Variants in CACNA2D3 observed in about 807,000 individuals in gnomAD.
CACNA2D3 encodes the protein voltage-dependent calcium channel subunit alpha-2/delta-3.
CACNA2D3 carries 60 observed loss-of-function variants against 160.6 expected under a neutral mutation model. The ratio of observed to expected loss-of-function variants is 0.37; its 90% CI spans 0.30 to 0.46. The LOEUF is 0.46. Among genes scored for constraint, CACNA2D3 ranks in the 20% least tolerant of loss-of-function variants. CACNA2D3 has a pLI of 1.00. For synonymous variants in CACNA2D3, 558 were observed against 492.9 expected (o/e 1.13, Z -1.75); for missense variants, 1,205 against 1,365.0 (o/e 0.88, Z 1.85).
At chr3:54,715,962 C>G (rs2106973509) in intron 11 of CACNA2D3, among the ~76,000 whole-genome samples, 1 of 152,216 alleles carries the variant, frequency 6.6e-6, no homozygotes, top group Middle Eastern at 3.4e-3. Flanking sequence ...TTAATAAGTT[C>G]TGGGTATCTA....
chr3:54,537,819 G>A (rs866258696), intron 5 of CACNA2D3, among the ~76,000 whole-genome samples: 5 of 152,230 alleles, frequency 3.3e-5, no homozygotes, highest in African/African-American at 4.8e-5. Context: ...GGCTCACTCC[G>A]GACCTGAGCT....
At chr3:54,879,731 G>A (rs1046447065) in intron 20 of CACNA2D3, among the ~76,000 whole-genome samples, 3 of 152,186 alleles carry the variant, frequency 2.0e-5, no homozygotes, top group Non-Finnish European at 4.4e-5. Flanking sequence ...TGAACTTGCT[G>A]CTTTGTGAGT....
chr3:54,789,039 GAATGCTC>G (rs1702694014), intron 13 of CACNA2D3, among the ~76,000 whole-genome samples: 1 of 152,120 alleles, frequency 6.6e-6, no homozygotes, highest in Admixed American at 6.6e-5. Context: ...TGCATTTATT[GAATGCTC>G]ACAGTTGGCC....
chr3:54,198,721 C>A (rs1466460650), intron 2 of CACNA2D3, among the ~76,000 whole-genome samples: 2 of 152,266 alleles, frequency 1.3e-5, no homozygotes, highest in Admixed American at 1.3e-4. Context: ...GTCCCTCAGG[C>A]CCCGGGGGGT....
At chr3:54,484,666 G>T (rs1443871824) in intron 4 of CACNA2D3, among the ~76,000 whole-genome samples, 1 of 151,948 alleles carries the variant, frequency 6.6e-6, no homozygotes, top group Non-Finnish European at 1.5e-5. Flanking sequence ...CATATTCTGT[G>T]TCTATCTTTT....
At chr3:54,640,456 A>G (rs1699491706) in intron 10 of CACNA2D3, among the ~76,000 whole-genome samples, 1 of 152,200 alleles carries the variant, frequency 6.6e-6, no homozygotes, top group South Asian at 2.1e-4. Context: ...GCATTAATTA[A>G]GGGAATTTTT....
chr3:54,884,141 G>A (rs1030405112), intron 21 of CACNA2D3, among the ~76,000 whole-genome samples: 1 of 151,932 alleles, frequency 6.6e-6, no homozygotes, highest in Non-Finnish European at 1.5e-5. Flanking sequence ...AAGAAGGAAA[G>A]GAAAAAAAGA....
intron 5 of CACNA2D3, among the ~76,000 whole-genome samples, chr3:54,533,816 TG>T (rs1223347301): frequency 6.6e-6 from 1 of 151,914 alleles, no homozygotes. Flanking sequence ...TGTGTGTGTG[TG>T]TGTGTGTGTG....
intron 31 of CACNA2D3, among the ~76,000 whole-genome samples, chr3:54,993,756 C>T (rs922633323): frequency 6.6e-6 from 1 of 152,056 alleles, no homozygotes; most frequent in African/African-American, 2.4e-5. Context: ...CAATGGAGCA[C>T]ACCTGGCCCT....
chr3:54,745,021 G>C (rs1701727092), intron 11 of CACNA2D3, among the ~76,000 whole-genome samples: 1 of 152,190 alleles, frequency 6.6e-6, no homozygotes. Context: ...ATTTGTTTTA[G>C]TCAGGTATAA....
chr3:54,654,685 G>T (rs1348315732), intron 11 of CACNA2D3, among the ~76,000 whole-genome samples: 1 of 152,178 alleles, frequency 6.6e-6, no homozygotes, highest in Non-Finnish European at 1.5e-5. Flanking sequence ...GCTCACAGGA[G>T]GGTCCTGTGG....
At chr3:54,169,475 A>C (rs1700519276) in intron 2 of CACNA2D3, among the ~76,000 whole-genome samples, 1 of 152,176 alleles carries the variant, frequency 6.6e-6, no homozygotes, top group Non-Finnish European at 1.5e-5. Flanking sequence ...TGTTTCATGC[A>C]TTTATTTCAC....
chr3:54,332,366 T>C (rs913530201), intron 3 of CACNA2D3, among the ~76,000 whole-genome samples: 1 of 152,242 alleles, frequency 6.6e-6, no homozygotes, highest in African/African-American at 2.4e-5. Context: ...GTTGTTAGCA[T>C]TTAAAAAGCA....
intron 13 of CACNA2D3, among the ~76,000 whole-genome samples, chr3:54,788,888 A>G (rs1702690993): frequency 6.6e-6 from 1 of 152,200 alleles, no homozygotes; most frequent in Admixed American, 6.5e-5. Context: ...ATTCATTTCT[A>G]AAATATTTCT....
intron 27 of CACNA2D3, among the ~76,000 whole-genome samples, chr3:54,964,625 A>C (rs1342296255): frequency 6.6e-6 from 1 of 152,190 alleles, no homozygotes; most frequent in Non-Finnish European, 1.5e-5. Context: ...TCACTGAAGT[A>C]GTCGTGTTTT....
chr3:54,139,253 A>G (rs1699874629), intron 2 of CACNA2D3, among the ~76,000 whole-genome samples: 1 of 152,112 alleles, frequency 6.6e-6, no homozygotes, highest in African/African-American at 2.4e-5. Context: ...CCCCCATCCC[A>G]CCCATACCTG....
At chr3:54,479,315 A>T (rs1700894311) in intron 4 of CACNA2D3, among the ~76,000 whole-genome samples, 1 of 152,164 alleles carries the variant, frequency 6.6e-6, no homozygotes, top group Admixed American at 6.5e-5. Context: ...ACCCAGTCTC[A>T]GGTATGTCTT....
At chr3:54,926,006 G>C (rs1286826037) in intron 27 of CACNA2D3, among the ~76,000 whole-genome samples, 1 of 152,126 alleles carries the variant, frequency 6.6e-6, no homozygotes, top group Non-Finnish European at 1.5e-5. Flanking sequence ...AGTCCTTCAT[G>C]GGTTATTGTA....
At chr3:54,131,772 T>G (rs143891351) in intron 2 of CACNA2D3, among the ~76,000 whole-genome samples, 1 of 152,336 alleles carries the variant, frequency 6.6e-6, no homozygotes, top group African/African-American at 2.4e-5. Context: ...TTTTTTGCTT[T>G]CTTTCCAAAA....
Sources: allele counts gnomAD v4.1 joint callset (sites outside exome capture counted in the v4.1 genomes callset), GRCh38; gene constraint gnomAD v4.1.1; transcripts MANE v1.5; gene names NCBI Gene and HGNC (gene_info 2026-07-23, HGNC 2026-07-21).